Variants in CTNNA3 observed in about 807,000 individuals in gnomAD.
CTNNA3 encodes the protein catenin alpha-3.
CTNNA3 carries 76 observed loss-of-function variants against 95.7 expected under a neutral mutation model. The observed-to-expected ratio is 0.79, with a 90% CI of 0.66 to 0.96. CTNNA3 has a LOEUF of 0.96. CTNNA3 is among the 40% of genes least tolerant of loss of function. The probability of loss-of-function intolerance (pLI) is 0.00; values close to 1 mark genes in which losing one functional copy is unlikely to be tolerated. For synonymous variants in CTNNA3, 431 were observed against 374.4 expected (o/e 1.15, Z -1.74); for missense variants, 1,191 against 1,089.8 (o/e 1.09, Z -1.31).
intron 5 of CTNNA3, among the ~76,000 whole-genome samples, chr10:67,433,036 T>C (rs1365978943): frequency 6.6e-6 from 1 of 152,122 alleles, no homozygotes; most frequent in African/African-American, 2.4e-5. Context: ...AACTTGGCTG[T>C]TTGGCACAAG....
At chr10:65,972,154 A>G (rs969874144) in intron 16 of CTNNA3, among the ~76,000 whole-genome samples, 18 of 152,134 alleles carry the variant, frequency 1.2e-4, no homozygotes, top group Non-Finnish European at 2.2e-4. Flanking sequence ...TCAAAGGAAC[A>G]TATCTGAAAA....
At chr10:66,135,081 T>C (rs1188496770) in intron 13 of CTNNA3, among the ~76,000 whole-genome samples, 1 of 152,176 alleles carries the variant, frequency 6.6e-6, no homozygotes, top group Non-Finnish European at 1.5e-5. Context: ...TGAAAAATGA[T>C]AAGAAAATAT....
chr10:66,845,611 G>A (rs960150670), intron 7 of CTNNA3, among the ~76,000 whole-genome samples: 7 of 148,598 alleles, frequency 4.7e-5, no homozygotes, highest in Middle Eastern at 7.0e-3. Context: ...GCTGAGGCAG[G>A]AGAATCGCTT....
intron 7 of CTNNA3, among the ~76,000 whole-genome samples, chr10:66,931,849 G>C (rs921356686): frequency 6.6e-6 from 1 of 152,142 alleles, no homozygotes; most frequent in Admixed American, 6.5e-5. Context: ...AAATATTTTA[G>C]AGTGCTTATA....
chr10:67,760,077 A>G (rs1841454540), intron 1 of CTNNA3, among the ~76,000 whole-genome samples: 1 of 152,218 alleles, frequency 6.6e-6, no homozygotes, highest in Admixed American at 6.5e-5. Flanking sequence ...TACAAGTCAC[A>G]TGCCCATTCC....
At chr10:66,704,680 T>C (rs1848061497) in intron 9 of CTNNA3, among the ~76,000 whole-genome samples, 1 of 152,130 alleles carries the variant, frequency 6.6e-6, no homozygotes, top group South Asian at 2.1e-4. Flanking sequence ...AGAGCCTGTT[T>C]TTTGACTACA....
At chr10:66,437,825 T>G (rs548402802) in intron 11 of CTNNA3, among the ~76,000 whole-genome samples, 2 of 152,316 alleles carry the variant, frequency 1.3e-5, no homozygotes, top group South Asian at 4.1e-4. Context: ...TTTCCTCATC[T>G]TTGTGGATTT....
chr10:66,105,019 T>C (rs1001661252), intron 13 of CTNNA3, among the ~76,000 whole-genome samples: 8 of 152,210 alleles, frequency 5.3e-5, no homozygotes, highest in Admixed American at 3.3e-4. Context: ...TTCTTTGTTC[T>C]CACACACTTG....
At chr10:66,774,963 G>A (rs949329661) in intron 8 of CTNNA3, among the ~76,000 whole-genome samples, 1 of 152,076 alleles carries the variant, frequency 6.6e-6, no homozygotes, top group African/African-American at 2.4e-5. Flanking sequence ...ATGGAAGGAG[G>A]AATGGGTAGG....
intron 7 of CTNNA3, among the ~76,000 whole-genome samples, chr10:67,009,608 A>C (rs1852200839): frequency 6.6e-6 from 1 of 151,532 alleles, no homozygotes; most frequent in Non-Finnish European, 1.5e-5. Flanking sequence ...CTAATCTTCC[A>C]ATGTTTTTTG....
intron 7 of CTNNA3, among the ~76,000 whole-genome samples, chr10:66,968,691 T>A (rs906156684): frequency 3.9e-5 from 6 of 152,092 alleles, no homozygotes; most frequent in African/African-American, 1.4e-4. Context: ...ATATTGAGTC[T>A]TAAAGTTACA....
chr10:66,884,479 C>T (rs941088048), intron 7 of CTNNA3, among the ~76,000 whole-genome samples: 1 of 152,046 alleles, frequency 6.6e-6, no homozygotes, highest in African/African-American at 2.4e-5. Context: ...TTTCACAAAC[C>T]CCATGGGGAG....
intron 10 of CTNNA3, among the ~76,000 whole-genome samples, chr10:66,526,907 T>G (rs1841287093): frequency 6.6e-6 from 1 of 152,204 alleles, no homozygotes; most frequent in Admixed American, 6.5e-5. Flanking sequence ...TTCCCTCTCT[T>G]GCTAATGTCC....
intron 17 of CTNNA3, among the ~76,000 whole-genome samples, chr10:65,922,903 G>T (rs2077112645): frequency 6.6e-6 from 1 of 152,178 alleles, no homozygotes; most frequent in Admixed American, 6.5e-5. Flanking sequence ...AGAAGGGGAA[G>T]CAGACACATC....
intron 11 of CTNNA3, among the ~76,000 whole-genome samples, chr10:66,456,607 CAGA>C (rs1289877755): frequency 2.0e-5 from 3 of 151,966 alleles, no homozygotes; most frequent in Admixed American, 2.0e-4. Context: ...ACCTGGGAGG[CAGA>C]AGTTGTGGTG....
chr10:67,729,251 C>A (rs80111685), intron 1 of CTNNA3, among the ~76,000 whole-genome samples: 2,474 of 152,184 alleles, frequency 0.016, 75 homozygotes, highest in African/African-American at 0.056. Flanking sequence ...ATAGGAGAAT[C>A]TCCAACACAG....
At chr10:66,249,361 G>A (rs991988531) in intron 13 of CTNNA3, among the ~76,000 whole-genome samples, 2 of 152,066 alleles carry the variant, frequency 1.3e-5, no homozygotes, top group Non-Finnish European at 2.9e-5. Flanking sequence ...TAAAATATTT[G>A]CAAACTACCC....
intron 5 of CTNNA3, among the ~76,000 whole-genome samples, chr10:67,503,102 C>T (rs1839285097): frequency 6.6e-6 from 1 of 152,218 alleles, no homozygotes; most frequent in South Asian, 2.1e-4. Flanking sequence ...GTAGCATAGG[C>T]ACTCAAGGGA....
chr10:66,507,086 A>T (rs1197935539), intron 11 of CTNNA3, among the ~76,000 whole-genome samples: 1 of 152,158 alleles, frequency 6.6e-6, no homozygotes, highest in Non-Finnish European at 1.5e-5. Context: ...ATGGAAAATC[A>T]ATTTATTTTC....
Sources: gnomAD v4.1 joint callset for allele counts (sites outside exome capture counted in the v4.1 genomes callset) on GRCh38, gnomAD v4.1.1 for gene constraint, MANE v1.5 for transcripts, NCBI Gene and HGNC (gene_info 2026-07-23, HGNC 2026-07-21) for gene names.